The following EPC2 variants were observed in gnomAD, a reference collection of about 807,000 sequenced individuals.
EPC2 encodes enhancer of polycomb 2, also known as enhancer of polycomb homolog 2.
In EPC2, 14 loss-of-function variants were observed where a neutral mutation model predicts 92.1. The observed-to-expected ratio is 0.15, with a 90% CI of 0.10 to 0.24. EPC2 has a LOEUF of 0.24. Among genes scored for constraint, EPC2 ranks in the 10% least tolerant of loss-of-function variants. The pLI, the probability that EPC2 is intolerant of heterozygous loss-of-function variation, is 1.00. For synonymous variants in EPC2, 340 were observed against 334.7 expected (o/e 1.02, Z -0.17); for missense variants, 755 against 971.5 (o/e 0.78, Z 2.96).
chr2:148,681,732 T>A (rs1179049893), intron 1 of EPC2, among the ~76,000 whole-genome samples: 7 of 152,192 alleles, frequency 4.6e-5, no homozygotes, highest in South Asian at 2.1e-4. Flanking sequence ...CTTTCTTTTT[T>A]AATTATACTT....
chr2:148,733,484 T>G (rs1260747986), intron 2 of EPC2, among the ~76,000 whole-genome samples: 1 of 63,056 alleles, frequency 1.6e-5, no homozygotes, highest in Admixed American at 2.3e-4. Context: ...TCTGGATTTT[T>G]TTTTTTTTTT....
chr2:148,761,740 T>C (rs1309332393), intron 4 of EPC2, 42 bp from the exon 5 acceptor site: 2 of 1,325,370 alleles, frequency 1.5e-6, no homozygotes, highest in Non-Finnish European at 2.0e-6. Flanking sequence ...GAAATGTAGA[T>C]AACTGTGTTG....
chr2:148,656,026 G>GTGTGTGTGTGT (rs1230427174), intron 1 of EPC2, among the ~76,000 whole-genome samples: 5,038 of 84,232 alleles, frequency 0.06, 245 homozygotes, highest in South Asian at 0.12. Flanking sequence ...TGTGTGTGTG[G>GTGTGTGTGTGT]GGGGGGGGGG....
intron 2 of EPC2, among the ~76,000 whole-genome samples, chr2:148,738,671 A>C (rs770737051): frequency 6.6e-6 from 1 of 152,178 alleles, no homozygotes; most frequent in Non-Finnish European, 1.5e-5. Flanking sequence ...TAGAAAATAG[A>C]ATGTTTTGGA....
intron 7 of EPC2, among the ~76,000 whole-genome samples, chr2:148,767,823 G>T (rs980062162): frequency 5.3e-5 from 8 of 152,180 alleles, no homozygotes; most frequent in African/African-American, 1.9e-4. Flanking sequence ...TTAGGAGGAA[G>T]GGGTGATAGA....
At chr2:148,734,124 G>T (rs951948362) in intron 2 of EPC2, among the ~76,000 whole-genome samples, 5 of 151,958 alleles carry the variant, frequency 3.3e-5, no homozygotes, top group Non-Finnish European at 7.4e-5. Flanking sequence ...TATATATATG[G>T]ACTCACAGAA....
intron 4 of EPC2, among the ~76,000 whole-genome samples, chr2:148,760,109 G>A (rs1683273096): frequency 6.6e-6 from 1 of 152,086 alleles, no homozygotes; most frequent in Non-Finnish European, 1.5e-5. Context: ...TGGGTGTGAT[G>A]GTGGATTCGT....
At chr2:148,695,202 C>T (rs1032865026) in intron 2 of EPC2, among the ~76,000 whole-genome samples, 1 of 152,176 alleles carries the variant, frequency 6.6e-6, no homozygotes, top group Admixed American at 6.5e-5. Context: ...CATCTCATTC[C>T]CTTAGTCTTA....
rs1001120003 is a variant in EPC2, at chr2:148,787,557, A to G, written c.*1180A>G. 6 of 152,666 alleles carry G rather than the reference A, an allele frequency of 3.9e-5. No homozygotes were observed. The highest frequency in any genetic ancestry group is 2.6e-4 in the Admixed American group (4 of 15,276). The allele number at this position is 152,666 out of a possible 1,614,324, so 9.5% of individuals were successfully genotyped here. ...AAAACTGCAGGGAAATAAAAAATAC[A>G]TATCAAAACATGGACATGCTGCATA... On this transcript the variant is annotated 3_prime_UTR_variant, in exon 14 of 14. Transcript: ENST00000258484.
chr2:148,750,465 G>A (rs1430236594), intron 3 of EPC2, among the ~76,000 whole-genome samples: 1 of 151,798 alleles, frequency 6.6e-6, no homozygotes, highest in Non-Finnish European at 1.5e-5. Context: ...ACCAGTCTTT[G>A]TTGTTGTAGT....
chr2:148,742,551 C>G lies in EPC2; in HGVS notation c.314-1071C>G, dbSNP rs563193400. ...ACAGATCGCTTGAGCCCAGGAGTTG[C>G]AGACAGATCGCTTGAGCCCAGGAGT... On this transcript the variant is annotated intron_variant, in intron 2 of 13. Transcript: ENST00000258484. 2.4e-4 allele frequency among the ~76,000 whole-genome samples: 36 copies of G among 152,036 alleles called. No individual in the cohort carries two copies. In the South Asian group the frequency reaches 3.3e-3, roughly 14 times the overall value.
At chr2:148,712,090 A>G (rs1325225375) in intron 2 of EPC2, among the ~76,000 whole-genome samples, 1 of 152,124 alleles carries the variant, frequency 6.6e-6, no homozygotes, top group Non-Finnish European at 1.5e-5. Flanking sequence ...CCTTGGATTA[A>G]TATCTACCAT....
chr2:148,665,729 C>T (rs1395159142), intron 1 of EPC2, among the ~76,000 whole-genome samples: 1 of 152,106 alleles, frequency 6.6e-6, no homozygotes, highest in Admixed American at 6.5e-5. Context: ...TAAAGCCATC[C>T]ACTCACACCT....
rs192494758 is a variant in EPC2 at position 148,738,737 on chromosome 2, G to C, written c.314-4885G>C. On this transcript the variant is annotated intron_variant, in intron 2 of 13. Transcript: ENST00000258484. ...AAATTAGTGAGTTTATAATTTAGAG[G>C]CTTTAGGAAGGCAAGAAATAACATT... 3.0e-4 allele frequency among the ~76,000 whole-genome samples: 46 copies of C among 152,254 alleles called. 2 individuals carry two copies. In the East Asian group the frequency reaches 3.3e-3, roughly 11 times the overall value.
chr2:148,709,736 G>A (rs563348788), intron 2 of EPC2, among the ~76,000 whole-genome samples: 5 of 152,280 alleles, frequency 3.3e-5, no homozygotes, highest in East Asian at 1.9e-4. Context: ...ACAAAAACAA[G>A]CAATGGGGAA....
In EPC2 at chr2:148,743,748, A is replaced by T. The variant is rs749747370; in HGVS notation, c.440A>T (p.Glu147Val). 11 of 1,600,086 alleles carry T rather than the reference A, an allele frequency of 6.9e-6. No homozygotes were observed. Among genetic ancestry groups the T allele is most frequent in the Non-Finnish European group, 8.5e-6 (10 of 1,174,662 alleles). The part of the protein sequence containing the change: ...LQFEIMIDRL[E>V]KASSNQLVTL... ...TTTGAAATTATGATTGACAGACTTGAAAAAGCCAGTTCTAATCAGGTACTG... is the reference window on the plus strand; with the variant it reads ...TTTGAAATTATGATTGACAGACTTGTAAAAGCCAGTTCTAATCAGGTACTG... The change falls in exon 3 of 14, where the codon GAA (glutamate) becomes GTA (valine). Residue 147 changes from glutamate (E) to valine (V), a missense_variant. By Grantham distance (121) the Glu-to-Val change is moderately radical. Coordinates refer to ENST00000258484, the MANE Select transcript of EPC2 (RefSeq NM_015630.4).
intron 1 of EPC2, among the ~76,000 whole-genome samples, chr2:148,665,103 G>A (rs537911435): frequency 2.0e-5 from 3 of 152,256 alleles, no homozygotes; most frequent in South Asian, 2.1e-4. Context: ...CATTACCTGG[G>A]AGCTTGTTAA....
intron 1 of EPC2, among the ~76,000 whole-genome samples, chr2:148,689,737 G>A (rs1681605340): frequency 6.6e-6 from 1 of 152,026 alleles, no homozygotes; most frequent in Non-Finnish European, 1.5e-5. Flanking sequence ...TTTCTGCCCT[G>A]GTAGTAATAA....
At chr2:148,731,608 A>G (rs2105398075) in intron 2 of EPC2, among the ~76,000 whole-genome samples, 1 of 152,198 alleles carries the variant, frequency 6.6e-6, no homozygotes, top group Non-Finnish European at 1.5e-5. Context: ...TACCATGTTG[A>G]CGAGGCTGAT....
Sources: allele counts gnomAD v4.1 joint callset (sites outside exome capture counted in the v4.1 genomes callset), GRCh38; gene constraint gnomAD v4.1.1; transcripts MANE v1.5; gene names NCBI Gene and HGNC (gene_info 2026-07-23, HGNC 2026-07-21).